Variants in LRRTM4 observed in about 807,000 individuals in gnomAD.
LRRTM4 encodes the protein leucine-rich repeat transmembrane neuronal protein 4.
In LRRTM4, 25 loss-of-function variants were observed where a neutral mutation model predicts 47.6. The observed-to-expected ratio is 0.53, with a 90% CI of 0.38 to 0.73. LRRTM4 has a LOEUF of 0.73. Ranked by LOEUF, LRRTM4 falls within the 30% of genes least tolerant of loss-of-function variation. The pLI is 0.00. For synonymous variants in LRRTM4, 311 were observed against 269.5 expected, an observed-to-expected ratio of 1.15 and a Z score of -1.51; for missense variants, 638 against 713.4, an observed-to-expected ratio of 0.89 and a Z score of 1.20.
intron 3 of LRRTM4, among the ~76,000 whole-genome samples, chr2:77,048,810 C>A (rs1573498715): frequency 6.6e-6 from 1 of 151,496 alleles, no homozygotes; most frequent in African/African-American, 2.4e-5. Context: ...TCAAAATGTA[C>A]AACAAATTGT....
At chr2:76,850,887 C>T (rs1671973198) in intron 3 of LRRTM4, among the ~76,000 whole-genome samples, 1 of 152,132 alleles carries the variant, frequency 6.6e-6, no homozygotes, top group East Asian at 1.9e-4. Context: ...ATCAAATATC[C>T]TACAATTTGT....
intron 3 of LRRTM4, among the ~76,000 whole-genome samples, chr2:76,931,927 G>A (rs207461876): frequency 1.3e-5 from 2 of 152,038 alleles, no homozygotes; most frequent in Admixed American, 1.3e-4. Flanking sequence ...AAAGGAGGAT[G>A]GGCAGAACAG....
chr2:76,876,262 T>C (rs1672776986), intron 3 of LRRTM4, among the ~76,000 whole-genome samples: 1 of 152,136 alleles, frequency 6.6e-6, no homozygotes, highest in South Asian at 2.1e-4. Flanking sequence ...AATATCTCAA[T>C]TTAAAAGATA....
chr2:76,867,651 A>G (rs1009632795), intron 3 of LRRTM4, among the ~76,000 whole-genome samples: 3 of 152,204 alleles, frequency 2.0e-5, no homozygotes, highest in Non-Finnish European at 2.9e-5. Flanking sequence ...CAATAGCAAT[A>G]TACTCCATCA....
rs1673168861 is a variant in LRRTM4, at chr2:77,175,455, G to C, written c.1551+342863C>G. Among the ~76,000 whole-genome samples the C allele has an allele frequency of 2.0e-5, 3 of 152,076 alleles. No individual in the cohort carries two copies. The South Asian group carries it at 6.2e-4, about 32-fold the overall frequency. ...ATAGAATCCAGGGCTCGTGGCTCTG[G>C]AATGTGTCTAGACTTGCTGGCTCCT... is the stretch of plus-strand genomic sequence containing the variant. On this transcript the variant is annotated intron_variant, in intron 3 of 3. Coordinates refer to ENST00000409884, the MANE Select transcript of LRRTM4 (RefSeq NM_001134745.3).
chr2:77,459,759 CAAAAA>C (rs59472827), intron 3 of LRRTM4, among the ~76,000 whole-genome samples: 1 of 126,318 alleles, frequency 7.9e-6, no homozygotes. Context: ...CTGGTTTTAG[CAAAAA>C]AAAAAAAAAA....
intron 3 of LRRTM4, among the ~76,000 whole-genome samples, chr2:76,862,565 A>G (rs1672343838): frequency 6.6e-6 from 1 of 152,204 alleles, no homozygotes; most frequent in South Asian, 2.1e-4. Flanking sequence ...TAGTAGCAGC[A>G]AGACCTTCCT....
intron 3 of LRRTM4, among the ~76,000 whole-genome samples, chr2:77,020,612 T>G (rs79976313): frequency 2.2e-5 from 3 of 135,356 alleles, no homozygotes; most frequent in Non-Finnish European, 4.7e-5. Flanking sequence ...GTTTTTAAGG[T>G]AGTAACATAA....
chr2:76,924,492 T>G (rs1006750337), intron 3 of LRRTM4, among the ~76,000 whole-genome samples: 4 of 151,992 alleles, frequency 2.6e-5, no homozygotes, highest in African/African-American at 9.7e-5. Flanking sequence ...TCAATTCTAT[T>G]TTATTTAAAA....
At position 77,393,963 on chromosome 2, in the gene LRRTM4, A is replaced by C. The variant is rs573638093; in HGVS notation, c.1551+124355T>G. Among the ~76,000 whole-genome samples the C allele has an allele frequency of 2.4e-4, 37 of 152,144 alleles. 1 individual carries two copies. Among genetic ancestry groups the C allele is most frequent in the African/African-American group, 7.9e-4 (33 of 41,550 alleles). On this transcript the variant is annotated intron_variant, in intron 3 of 3. Transcript: ENST00000409884. Reference sequence around the variant, plus strand: ...TAGTATTAACATTTATTCGAAAAAAAGTTTTTCTGATTTATCAGAAATTTA... The same window carrying C: ...TAGTATTAACATTTATTCGAAAAAACGTTTTTCTGATTTATCAGAAATTTA...
intron 3 of LRRTM4, among the ~76,000 whole-genome samples, chr2:76,809,284 C>T (rs934096565): frequency 6.6e-6 from 1 of 152,100 alleles, no homozygotes; most frequent in Non-Finnish European, 1.5e-5. Context: ...TATAAAATAG[C>T]TTTAATGGTT....
intron 3 of LRRTM4, among the ~76,000 whole-genome samples, chr2:77,437,281 C>T (rs1380828488): frequency 6.6e-6 from 1 of 151,958 alleles, no homozygotes; most frequent in Non-Finnish European, 1.5e-5. Context: ...TCTGAGCAGG[C>T]AAGCATGAGA....
At chr2:77,290,411 A>T (rs866934546) in intron 3 of LRRTM4, among the ~76,000 whole-genome samples, 21 of 152,040 alleles carry the variant, frequency 1.4e-4, no homozygotes, top group African/African-American at 4.8e-4. Flanking sequence ...GGGTATAGGG[A>T]GGGGAGCATA....
intron 3 of LRRTM4, among the ~76,000 whole-genome samples, chr2:77,115,773 G>C (rs1174703433): frequency 6.6e-6 from 1 of 152,034 alleles, no homozygotes; most frequent in Non-Finnish European, 1.5e-5. Flanking sequence ...TCAAATTTTT[G>C]ATATCTATAG....
chr2:77,124,705 GT>G (rs1401394609), intron 3 of LRRTM4, among the ~76,000 whole-genome samples: 2 of 152,034 alleles, frequency 1.3e-5, no homozygotes, highest in East Asian at 3.9e-4. Flanking sequence ...ATTCAGTTTT[GT>G]ATTCCTCTAG....
At position 76,775,272 on chromosome 2, in the gene LRRTM4, A is replaced by T. The variant is rs150205346; in HGVS notation, c.1552-26356T>A. Among the ~76,000 whole-genome samples, 306 of 152,308 alleles carry T rather than the reference A, an allele frequency of 2.0e-3. 5 individuals are homozygous for T. The South Asian group carries it at 0.038, about 19-fold the overall frequency. ...ATCCTTCCAGACTTTCATAATGTTC[A>T]ATCATGGTTATCTTCCACAACATTG... On this transcript the variant is annotated intron_variant, in intron 3 of 3. Coordinates refer to ENST00000409884, the MANE Select transcript of LRRTM4 (RefSeq NM_001134745.3).
chr2:77,506,267 T>C (rs762667473), intron 3 of LRRTM4, among the ~76,000 whole-genome samples: 3 of 151,596 alleles, frequency 2.0e-5, no homozygotes, highest in Non-Finnish European at 4.4e-5. Context: ...CTATTTCACA[T>C]GGACACACTA....
intron 3 of LRRTM4, among the ~76,000 whole-genome samples, chr2:76,794,617 A>G (rs749437511): frequency 3.3e-5 from 5 of 152,180 alleles, no homozygotes; most frequent in Admixed American, 2.0e-4. Flanking sequence ...TCAAAAAGCA[A>G]TAATTTTATC....
intron 3 of LRRTM4, among the ~76,000 whole-genome samples, chr2:76,970,141 T>A (rs997817731): frequency 2.6e-5 from 4 of 151,888 alleles, no homozygotes; most frequent in African/African-American, 9.7e-5. Flanking sequence ...AATACAATCT[T>A]CCTTCCATGA....
Sources: allele counts gnomAD v4.1 joint callset (sites outside exome capture counted in the v4.1 genomes callset), GRCh38; gene constraint gnomAD v4.1.1; transcripts MANE v1.5; gene names NCBI Gene and HGNC (gene_info 2026-07-23, HGNC 2026-07-21).